SLA: variants seen among roughly 807,000 people sequenced by gnomAD.
SLA encodes Src like adaptor.
A neutral mutation model predicts 30.3 loss-of-function variants in SLA; 16 were observed. The observed-to-expected ratio is 0.53, with a 90% CI of 0.36 to 0.80. The LOEUF (loss-of-function observed/expected upper bound fraction) is 0.80. Ranked by LOEUF, SLA falls within the 30% of genes least tolerant of loss-of-function variation. The pLI is 0.01. For missense variants in SLA, 310 were observed against 345.2 expected, an observed-to-expected ratio of 0.90 and a Z score of 0.81; for synonymous variants, 143 against 137.8, an observed-to-expected ratio of 1.04 and a Z score of -0.26.
chr8:133,078,911 C>T (rs778679487), intron 1 of SLA, among the ~76,000 whole-genome samples: 9 of 152,126 alleles, frequency 5.9e-5, no homozygotes, highest in Admixed American at 1.3e-4. Flanking sequence ...GACAGACACA[C>T]ATATCAAAAC....
At chr8:133,041,418 C>G in intron 7 of SLA, among the ~76,000 whole-genome samples, 1 of 152,240 alleles carries the variant, frequency 6.6e-6, no homozygotes, top group Non-Finnish European at 1.5e-5. Flanking sequence ...ACTGTGAACT[C>G]AAATGTCCAC....
At chr8:133,099,801 A>G (rs1205035696) in intron 1 of SLA, among the ~76,000 whole-genome samples, 1 of 152,118 alleles carries the variant, frequency 6.6e-6, no homozygotes, top group Non-Finnish European at 1.5e-5. Context: ...TATTTTCCAA[A>G]TGTATCCCAA....
At chr8:133,060,360 C>G in intron 2 of SLA, 160 bp from the exon 3 acceptor site, 2 of 1,539,202 alleles carry the variant, frequency 1.3e-6, no homozygotes, top group Non-Finnish European at 1.7e-6. Flanking sequence ...AGATTGGTTA[C>G]TTTTGCGCAG....
intron 1 of SLA, among the ~76,000 whole-genome samples, chr8:133,088,259 C>G (rs959299805): frequency 9.6e-6 from 1 of 104,186 alleles, no homozygotes; most frequent in East Asian, 3.1e-4. Context: ...CCCTCCTGCT[C>G]CTCCTCCTCC....
intron 1 of SLA, among the ~76,000 whole-genome samples, chr8:133,083,056 C>G (rs1254219858): frequency 6.6e-6 from 1 of 152,160 alleles, no homozygotes; most frequent in African/African-American, 2.4e-5. Context: ...GTAGGCAGGC[C>G]TAGTTGCTAT....
intron 1 of SLA, among the ~76,000 whole-genome samples, chr8:133,091,907 C>T (rs1459707360): frequency 1.3e-5 from 2 of 151,504 alleles, no homozygotes; most frequent in Non-Finnish European, 2.9e-5. Flanking sequence ...GACTGTGTGT[C>T]TCCATCTGTG....
rs910604194 is a variant in SLA at position 133,037,650 on chromosome 8, T to G, written c.*874A>C. On this transcript the variant is annotated 3_prime_UTR_variant, in exon 9 of 9. Coordinates refer to ENST00000338087, the MANE Select transcript of SLA (RefSeq NM_001045556.3). Reference sequence around the variant, plus strand: ...AGGACTTACGCATCTTTTTTTTTTTTTTGGCTTGCCTGACACCTTACAGAG... The same window carrying G: ...AGGACTTACGCATCTTTTTTTTTTTGTTGGCTTGCCTGACACCTTACAGAG... The G allele has an allele frequency of 1.3e-5, 2 of 152,136 alleles. No individual in the cohort carries two copies. The highest frequency in any genetic ancestry group is 2.4e-5 in the African/African-American group (1 of 41,418). The allele number at this position is 152,136 out of a possible 1,614,324, so 9.4% of individuals were successfully genotyped here.
At chr8:133,053,292 C>T (rs1840765745) in intron 3 of SLA, among the ~76,000 whole-genome samples, 2 of 152,202 alleles carry the variant, frequency 1.3e-5, no homozygotes, top group African/African-American at 4.8e-5. Flanking sequence ...GAATGCCCAT[C>T]TGTCCCCACC....
chr8:133,065,177 C>T (rs181254052), intron 2 of SLA, among the ~76,000 whole-genome samples: 1 of 152,278 alleles, frequency 6.6e-6, no homozygotes, highest in African/African-American at 2.4e-5. Flanking sequence ...ATGACCAGAA[C>T]ACCCCCATCC....
intron 1 of SLA, among the ~76,000 whole-genome samples, chr8:133,079,762 G>C (rs570885606): frequency 6.6e-6 from 1 of 152,232 alleles, no homozygotes; most frequent in Non-Finnish European, 1.5e-5. Context: ...GCTTTCTATC[G>C]ATGGAGAAAA....
intron 7 of SLA, among the ~76,000 whole-genome samples, chr8:133,041,481 G>A (rs1385526309): frequency 2.6e-5 from 4 of 152,194 alleles, no homozygotes; most frequent in Non-Finnish European, 5.9e-5. Flanking sequence ...TTTAGAGGGA[G>A]ATTTAATCGG....
At chr8:133,075,599 C>T (rs751200557) in intron 1 of SLA, among the ~76,000 whole-genome samples, 6 of 152,258 alleles carry the variant, frequency 3.9e-5, no homozygotes, top group East Asian at 1.9e-4. Flanking sequence ...AGGGGACATG[C>T]GGTGACCAAG....
intron 6 of SLA, among the ~76,000 whole-genome samples, chr8:133,045,679 G>A (rs1839236029): frequency 1.3e-5 from 2 of 152,098 alleles, no homozygotes; most frequent in South Asian, 4.1e-4. Context: ...ACAGGCCTGA[G>A]CTACCATGCC....
chr8:133,098,534 G>A (rs958186970), intron 1 of SLA, among the ~76,000 whole-genome samples: 9 of 152,168 alleles, frequency 5.9e-5, no homozygotes, highest in Non-Finnish European at 1.0e-4. Context: ...CAAAATCTCT[G>A]TGCACAAGAC....
intron 1 of SLA, among the ~76,000 whole-genome samples, chr8:133,102,069 G>A (rs1428604901): frequency 1.3e-5 from 2 of 152,188 alleles, no homozygotes; most frequent in Non-Finnish European, 2.9e-5. Flanking sequence ...CTGGAAAATA[G>A]TTTGGCTTCA....
At chr8:133,070,201 C>T (rs1843787144) in intron 2 of SLA, among the ~76,000 whole-genome samples, 1 of 152,068 alleles carries the variant, frequency 6.6e-6, no homozygotes, top group African/African-American at 2.4e-5. Context: ...ACCATGCTGA[C>T]TTCCAGTTTC....
Position 133,038,523 on chromosome 8 carries a change from G to C in SLA, c.*1C>G, listed in dbSNP as rs1837510870. On this transcript the variant is annotated 3_prime_UTR_variant, in exon 9 of 9. Coordinates refer to ENST00000338087, the MANE Select transcript of SLA (RefSeq NM_001045556.3). ...GCATGAACCATTGTGTCTGTTCTTGGCTAGTCCTCAAAGTAAGGTGGTGAT... is the reference window on the plus strand; with the variant it reads ...GCATGAACCATTGTGTCTGTTCTTGCCTAGTCCTCAAAGTAAGGTGGTGAT... 3 of 1,603,184 alleles carry C rather than the reference G, an allele frequency of 1.9e-6. No homozygotes were observed. Among genetic ancestry groups the C allele is most frequent in the African/African-American group, 1.3e-5 (1 of 74,726 alleles).
chr8:133,068,438 C>A lies in SLA; in HGVS notation c.-41+6415G>T, dbSNP rs534066654. ...ACATTTTAAGGTCATTTTAAGATAT[C>A]ATGGAAAGAAGCCAGATTTGAGGCC... On this transcript the variant is annotated intron_variant, in intron 2 of 8. Coordinates refer to ENST00000338087, the MANE Select transcript of SLA (RefSeq NM_001045556.3). Among the ~76,000 whole-genome samples the A allele has an allele frequency of 7.9e-5, 12 of 152,330 alleles. No homozygotes were observed. In the South Asian group the frequency reaches 2.5e-3, roughly 32 times the overall value.
At chr8:133,090,676 CCCT>C (rs1307396370) in intron 1 of SLA, among the ~76,000 whole-genome samples, 1 of 152,218 alleles carries the variant, frequency 6.6e-6, no homozygotes, top group African/African-American at 2.4e-5. Context: ...CAGGTATTTT[CCCT>C]CCATTGTCTC....
Sources: gnomAD v4.1 joint callset for allele counts (sites outside exome capture counted in the v4.1 genomes callset) on GRCh38, gnomAD v4.1.1 for gene constraint, MANE v1.5 for transcripts, NCBI Gene and HGNC (gene_info 2026-07-23, HGNC 2026-07-21) for gene names.